SLC39A11: variants seen among roughly 807,000 people sequenced by gnomAD.
The protein encoded by SLC39A11 is solute carrier family 39 member 11.
SLC39A11 carries 33 observed loss-of-function variants against 36.1 expected under a neutral mutation model. That is an observed-to-expected ratio of 0.91 (90% CI 0.69 to 1.22). The LOEUF (loss-of-function observed/expected upper bound fraction) is 1.22, where lower values mean the gene tolerates loss of function less well. Among genes scored for constraint, SLC39A11 ranks in the 50% most tolerant of loss-of-function variants. The pLI is 0.00. For synonymous variants in SLC39A11, 166 were observed against 170.3 expected (o/e 0.97, Z 0.20); for missense variants, 432 against 430.3 (o/e 1.00, Z -0.03).
intron 7 of SLC39A11, among the ~76,000 whole-genome samples, chr17:72,653,756 T>G (rs999277699): frequency 2.6e-5 from 4 of 152,160 alleles, no homozygotes; most frequent in Non-Finnish European, 5.9e-5. Flanking sequence ...CTTTAAAGTA[T>G]GGAAAGCTCC....
intron 5 of SLC39A11, among the ~76,000 whole-genome samples, chr17:72,923,871 G>A (rs777914724): frequency 5.3e-5 from 8 of 152,058 alleles, no homozygotes; most frequent in African/African-American, 7.2e-5. Flanking sequence ...TGGGCCAGAC[G>A]CAGTGGCTCA....
chr17:73,074,459 G>A lies in SLC39A11; in HGVS notation c.147+10349C>T, dbSNP rs142210766. ...ATTAAATGCGCCCACCACCACGCCC[G>A]GCTAATTTTTTGTATTTTTAGTAGA... On this transcript the variant is annotated intron_variant, in intron 3 of 9. Coordinates refer to ENST00000255559, the MANE Select transcript of SLC39A11 (RefSeq NM_139177.4). Among the ~76,000 whole-genome samples, 1,028 of 152,000 alleles carry A rather than the reference G, an allele frequency of 6.8e-3. 9 individuals carry two copies. The highest frequency in any genetic ancestry group is 0.012 in the African/African-American group (515 of 41,452).
chr17:72,949,525 C>T (rs1598547658), intron 4 of SLC39A11, among the ~76,000 whole-genome samples: 2 of 152,066 alleles, frequency 1.3e-5, no homozygotes, highest in Non-Finnish European at 1.5e-5. Flanking sequence ...AAGGTACCAG[C>T]ACAGTCAGTG....
At chr17:72,952,064 T>C (rs951084055) in intron 4 of SLC39A11, among the ~76,000 whole-genome samples, 6 of 152,138 alleles carry the variant, frequency 3.9e-5, no homozygotes, top group Non-Finnish European at 8.8e-5. Flanking sequence ...CACTCCCGCC[T>C]GTACCCCCCG....
intron 5 of SLC39A11, among the ~76,000 whole-genome samples, chr17:72,916,697 T>A (rs1334959626): frequency 6.6e-6 from 1 of 152,148 alleles, no homozygotes; most frequent in Non-Finnish European, 1.5e-5. Context: ...CATCCCAGCC[T>A]TCCTCTGGCC....
At chr17:73,006,450 G>A (rs1156943574) in intron 4 of SLC39A11, among the ~76,000 whole-genome samples, 1 of 152,174 alleles carries the variant, frequency 6.6e-6, no homozygotes, top group Admixed American at 6.5e-5. Flanking sequence ...TTGGAGAAGG[G>A]AAAGGAAGGG....
intron 7 of SLC39A11, among the ~76,000 whole-genome samples, chr17:72,695,354 G>T (rs1195811970): frequency 6.6e-6 from 1 of 152,238 alleles, no homozygotes; most frequent in African/African-American, 2.4e-5. Flanking sequence ...CAGGGAATAA[G>T]CTCCATGAGG....
chr17:72,722,865 A>T (rs1460840152), intron 7 of SLC39A11, among the ~76,000 whole-genome samples: 1 of 151,994 alleles, frequency 6.6e-6, no homozygotes, highest in Non-Finnish European at 1.5e-5. Context: ...GTATCTCCTG[A>T]CCTCAAGTGA....
chr17:72,774,886 G>A (rs556920987), intron 6 of SLC39A11, among the ~76,000 whole-genome samples: 105 of 152,000 alleles, frequency 6.9e-4, no homozygotes, highest in Non-Finnish European at 1.2e-3. Context: ...GACTTGGAGC[G>A]CAGAGAATAC....
At chr17:73,009,135 G>A (rs148647123) in intron 4 of SLC39A11, among the ~76,000 whole-genome samples, 4,223 of 150,898 alleles carry the variant, frequency 0.028, 183 homozygotes, top group African/African-American at 0.097. Flanking sequence ...AGGCCAAGGC[G>A]GGCGGATCAC....
intron 6 of SLC39A11, 124 bp downstream of exon 6, chr17:72,849,510 T>G (rs2079199277): frequency 1.0e-6 from 1 of 970,876 alleles, no homozygotes; most frequent in Non-Finnish European, 1.4e-6. Flanking sequence ...TACTGCCACC[T>G]TCACTCCTCT....
intron 8 of SLC39A11, 30 bp from the exon 9 acceptor site, chr17:72,648,991 G>T: frequency 6.3e-7 from 1 of 1,593,774 alleles, no homozygotes; most frequent in Non-Finnish European, 8.5e-7. Context: ...ATTTACCACC[G>T]CAGGGGGAGG....
chr17:72,661,469 C>T (rs1567916402), intron 7 of SLC39A11, among the ~76,000 whole-genome samples: 2 of 152,218 alleles, frequency 1.3e-5, no homozygotes, highest in African/African-American at 4.8e-5. Context: ...CCTGACAAGC[C>T]CTGCTTCACC....
intron 4 of SLC39A11, among the ~76,000 whole-genome samples, chr17:72,959,817 C>T (rs1255063467): frequency 2.0e-5 from 3 of 152,146 alleles, no homozygotes; most frequent in Admixed American, 6.5e-5. Context: ...TCTGTGCCTC[C>T]AGTGGTCAAA....
chr17:72,698,893 T>C (rs1012365177), intron 7 of SLC39A11, among the ~76,000 whole-genome samples: 13 of 152,204 alleles, frequency 8.5e-5, no homozygotes, highest in East Asian at 7.7e-4. Flanking sequence ...TGCAGTGGCG[T>C]GATCTCGGCT....
chr17:72,920,931 A>G (rs1167521934), intron 5 of SLC39A11, among the ~76,000 whole-genome samples: 1 of 152,042 alleles, frequency 6.6e-6, no homozygotes, highest in East Asian at 1.9e-4. Flanking sequence ...TCTCCTTAGC[A>G]GTCAACACCA....
intron 6 of SLC39A11, among the ~76,000 whole-genome samples, chr17:72,809,125 C>T (rs866195069): frequency 1.3e-5 from 2 of 152,030 alleles, no homozygotes; most frequent in Admixed American, 6.6e-5. Context: ...GCAGTCTTTT[C>T]CTCTCTTCCC....
intron 6 of SLC39A11, among the ~76,000 whole-genome samples, chr17:72,794,474 CACTCTAAAGATG>C (rs1441075251): frequency 2.0e-5 from 3 of 152,036 alleles, no homozygotes; most frequent in Non-Finnish European, 4.4e-5. Flanking sequence ...TTCTTCTCAT[CACTCTAAAGATG>C]AAGTGCAAAG....
chr17:73,065,115 CAA>C (rs1440329238), intron 3 of SLC39A11, among the ~76,000 whole-genome samples: 1 of 152,048 alleles, frequency 6.6e-6, no homozygotes, highest in Admixed American at 6.6e-5. Context: ...CTTAAAAAAA[CAA>C]AAAGAGGCCA....
Sources: gnomAD v4.1 joint callset for allele counts (sites outside exome capture counted in the v4.1 genomes callset) on GRCh38, gnomAD v4.1.1 for gene constraint, MANE v1.5 for transcripts, NCBI Gene and HGNC (gene_info 2026-07-23, HGNC 2026-07-21) for gene names.